Variants in C9orf72 observed in about 807,000 individuals in gnomAD.
The protein encoded by C9orf72 is guanine nucleotide exchange factor C9orf72.
C9orf72 carries 44 observed loss-of-function variants against 51.6 expected under a neutral mutation model. That is an observed-to-expected ratio of 0.85 (90% CI 0.67 to 1.10). The LOEUF (loss-of-function observed/expected upper bound fraction) is 1.10, where lower values mean the gene tolerates loss of function less well. Ranked by LOEUF, C9orf72 falls within the 50% of genes least tolerant of loss-of-function variation. The pLI is 0.00. For synonymous variants in C9orf72, 213 were observed against 194.2 expected (o/e 1.10, Z -0.81); for missense variants, 607 against 570.6 (o/e 1.06, Z -0.65).
At chr9:27,550,813 T>TATAA (rs1449309060) in intron 8 of C9orf72, 106 bp from the exon 9 acceptor site, 1 of 526,510 alleles carries the variant, frequency 1.9e-6, no homozygotes, top group African/African-American at 2.0e-5. Flanking sequence ...TTTAAGTTCT[T>TATAA]ATAAATTGAT....
At chr9:27,548,522 C>G (rs1231394435) in intron 10 of C9orf72, 35 bp downstream of exon 10, 1 of 1,448,584 alleles carries the variant, frequency 6.9e-7, no homozygotes, top group African/African-American at 1.6e-5. Context: ...AAACAATGTA[C>G]AAAGGTTTTT....
rs1434464701 is a variant in C9orf72, at chr9:27,556,757, T to A, written c.895A>T (p.Met299Leu). The stretch of plus-strand genomic sequence containing the variant: ...TGTGTGGTGGGATATGGAGCATACA[T>A]GACTTGCCGGAAAGGCAGCACAAAG... ...GSFVLPFRQV[M>L]YAPYPTTHID... is the part of the protein sequence containing the mutation. Residue 299 changes from methionine to leucine, a missense_variant, in exon 8 of 11, where the codon ATG becomes TTG. Transcript: ENST00000380003. 6.2e-7 allele frequency: 1 copy of A among 1,613,826 alleles called. No homozygotes were observed. Among genetic ancestry groups the A allele is most frequent in the Admixed American group, 1.7e-5 (1 of 59,976 alleles).
rs965683778 is a variant in C9orf72 at position 27,547,716 on chromosome 9, G to A, written c.*520C>T. 2.6e-5 allele frequency: 4 copies of A among 152,524 alleles called. No homozygotes were observed. The highest frequency in any genetic ancestry group is 6.5e-5 in the Admixed American group (1 of 15,280). The allele number at this position is 152,524 out of a possible 1,614,324, so 9.4% of individuals were successfully genotyped here. On this transcript the variant is annotated 3_prime_UTR_variant, in exon 11 of 11. Coordinates refer to ENST00000380003, the MANE Select transcript of C9orf72 (RefSeq NM_018325.5). ...ATCAATTCCAATTAAACATCTGCTT[G>A]ATCAATTTTCTTTCTAAAGCTCATC...
At chr9:27,562,677 T>TA (rs1819379593) in intron 3 of C9orf72, among the ~76,000 whole-genome samples, 1 of 83,638 alleles carries the variant, frequency 1.2e-5, no homozygotes, top group Non-Finnish European at 2.6e-5. Flanking sequence ...CTTTCTTTTC[T>TA]TTTTTTTTTT....
At chr9:27,561,187 T>G in intron 5 of C9orf72, 1 of 960,584 alleles carries the variant, frequency 1.0e-6, no homozygotes, top group Non-Finnish European at 1.3e-6. Context: ...TCTTAAGTAC[T>G]AAACTCCACT....
At chr9:27,561,713 T>C (rs1819354565) in intron 4 of C9orf72, 64 bp from the exon 5 acceptor site, 2 of 1,044,198 alleles carry the variant, frequency 1.9e-6, no homozygotes, top group Non-Finnish European at 2.9e-6. Flanking sequence ...ATAACACTTT[T>C]AATATACAAG....
chr9:27,560,677 T>G, intron 5 of C9orf72: 1 of 990,656 alleles, frequency 1.0e-6, no homozygotes. Flanking sequence ...GATACAGGAC[T>G]AAAGTGCTTC....
intron 1 of C9orf72, among the ~76,000 whole-genome samples, chr9:27,573,184 G>A (rs1390392682): frequency 6.6e-6 from 1 of 152,134 alleles, no homozygotes. Context: ...CAAGGAAGAG[G>A]CCAGATCCCC....
rs754736903 is a variant in C9orf72, at chr9:27,556,603, T to C, written c.1049A>G (p.Gln350Arg). The C allele has an allele frequency of 3.1e-6, 5 of 1,613,858 alleles. No homozygotes were observed. The highest frequency in any genetic ancestry group is 4.2e-6 in the Non-Finnish European group (5 of 1,179,814). ...TTCGTCAGTGTAGATGATCGTATCC[T>C]GAGCCATGTCTTCTTCTGAAGTGGC... The part of the protein sequence containing the change: ...WRATSEEDMA[Q>R]DTIIYTDESF... Residue 350 changes from glutamine (Q) to arginine (R), a missense_variant, in exon 8 of 11, where the codon CAG becomes CGG. By Grantham distance (43) the Gln-to-Arg change is conservative. Coordinates refer to ENST00000380003, the MANE Select transcript of C9orf72 (RefSeq NM_018325.5).
chr9:27,572,465 T>TTG (rs1819608332), intron 1 of C9orf72, among the ~76,000 whole-genome samples: 1 of 142,758 alleles, frequency 7.0e-6, no homozygotes, highest in African/African-American at 2.9e-5. Context: ...AACAGTATCT[T>TTG]TTTTTTTTTT....
chr9:27,564,156 C>CAA (rs11438223), intron 3 of C9orf72, among the ~76,000 whole-genome samples: 1,235 of 86,498 alleles, frequency 0.014, 13 homozygotes, highest in African/African-American at 0.04. Flanking sequence ...TCAACAACAC[C>CAA]AAAAAAAAAA....
chr9:27,552,477 T>C (rs564303073), intron 8 of C9orf72, among the ~76,000 whole-genome samples: 2 of 151,312 alleles, frequency 1.3e-5, no homozygotes, highest in Admixed American at 6.6e-5. Flanking sequence ...ACCTCCTGAA[T>C]AGCTGGGACT....
At chr9:27,572,621 CA>C (rs1819611724) in intron 1 of C9orf72, among the ~76,000 whole-genome samples, 1 of 152,062 alleles carries the variant, frequency 6.6e-6, no homozygotes, top group African/African-American at 2.4e-5. Flanking sequence ...ATCTCGATTG[CA>C]TCTGAAAGGG....
chr9:27,573,523 C>CGCCCCGGCCACGCCCCGGCCCCG, upstream of C9orf72: 1 of 142,426 alleles, frequency 7.0e-6, no homozygotes, highest in Non-Finnish European at 1.6e-5. Flanking sequence ...GCCCCGACCA[C>CGCCCCGGCCACGCCCCGGCCCCG]GCCCCGGCCC....
Position 27,572,698 on chromosome 9 carries a change from A to T in C9orf72, c.-45+733T>A, listed in dbSNP as rs78444893. 6.2e-4 allele frequency among the ~76,000 whole-genome samples: 94 copies of T among 152,230 alleles called. 1 individual carries two copies. Among genetic ancestry groups the T allele is most frequent in the African/African-American group, 2.0e-3 (81 of 41,514 alleles). On this transcript the variant is annotated intron_variant, in intron 1 of 10. Coordinates refer to ENST00000380003, the MANE Select transcript of C9orf72 (RefSeq NM_018325.5). ...TGAATACAAAGCCTGGTGGTGTTCA[A>T]CGCGGCCAGATAGACCCAATGAGCA...
chr9:27,562,781 C>A (rs1217710934), intron 3 of C9orf72, among the ~76,000 whole-genome samples: 2 of 151,746 alleles, frequency 1.3e-5, no homozygotes, highest in Non-Finnish European at 2.9e-5. Flanking sequence ...AAGTGACTCT[C>A]CTGTCTCATC....
chr9:27,563,031 A>T (rs926537059), intron 3 of C9orf72, among the ~76,000 whole-genome samples: 1 of 24,814 alleles, frequency 4.0e-5, no homozygotes, highest in Non-Finnish European at 3.3e-4. Context: ...AATTTGAGAT[A>T]AAAAAAATTT....
chr9:27,558,555 C>T lies in C9orf72; in HGVS notation c.791G>A (p.Arg264Lys), dbSNP rs1269730948. 9.9e-6 allele frequency: 16 copies of T among 1,609,028 alleles called. No homozygotes were observed. The highest frequency in any genetic ancestry group is 1.4e-5 in the Non-Finnish European group (16 of 1,178,054). ...AAATGATGATTCTGCTTCACATAAC[C>T]TGGAGCATTTTCTCTCTGCTGGAGT... ...FLTPAERKCS[R>K]LCEAESSFKY... is the part of the protein sequence containing the mutation. Residue 264 changes from arginine (R) to lysine (K), a missense_variant, in exon 7 of 11, where the codon AGG becomes AAG. Arg to Lys is a conservative substitution (Grantham distance 26, BLOSUM62 2). Coordinates refer to ENST00000380003, the MANE Select transcript of C9orf72 (RefSeq NM_018325.5).
intron 1 of C9orf72, among the ~76,000 whole-genome samples, chr9:27,568,601 G>A (rs1819521680): frequency 3.9e-5 from 6 of 152,172 alleles, no homozygotes. Flanking sequence ...TTCAGTCAAT[G>A]GTAGACTGCA....
Sources: gnomAD v4.1 joint callset for allele counts (sites outside exome capture counted in the v4.1 genomes callset) on GRCh38, gnomAD v4.1.1 for gene constraint, MANE v1.5 for transcripts, NCBI Gene and HGNC (gene_info 2026-07-23, HGNC 2026-07-21) for gene names.